SLC27A5: variants seen among roughly 807,000 people sequenced by gnomAD.
The protein encoded by SLC27A5 is long-chain fatty acid transport protein 5.
A neutral mutation model predicts 63.1 loss-of-function variants in SLC27A5; 47 were observed. The observed-to-expected ratio is 0.74, with a 90% CI of 0.59 to 0.95. SLC27A5 has a LOEUF of 0.95. Among genes scored for constraint, SLC27A5 ranks in the 40% least tolerant of loss-of-function variants. The pLI is 0.00. For synonymous variants in SLC27A5, 391 were observed against 403.8 expected, an observed-to-expected ratio of 0.97 and a Z score of 0.38; for missense variants, 940 against 921.0, an observed-to-expected ratio of 1.02 and a Z score of -0.27.
At position 58,510,836 on chromosome 19, in the gene SLC27A5, C is replaced by T; in HGVS notation, c.783G>A (p.Val261=). The T allele has an allele frequency of 4.3e-6, 7 of 1,613,300 alleles. No individual in the cohort carries two copies. The highest frequency in any genetic ancestry group is 5.9e-6 in the Non-Finnish European group (7 of 1,179,772). ...CATCCAGGGCAGCCCCCAGAGCCCC[C>T]ACCCCTGGTGTAGGGGAGGTATGGC... ...YLSHTSPTPG[V]GALGAALDAA... Residue 261 remains valine (V), a synonymous_variant, in exon 2 of 10, where the codon GTG becomes GTA. Transcript: ENST00000263093.
chr19:58,500,807 G>T, intron 4 of SLC27A5, 101 bp from the exon 5 acceptor site: 1 of 1,517,318 alleles, frequency 6.6e-7, no homozygotes, highest in Non-Finnish European at 8.8e-7. Flanking sequence ...TACCTTGGGA[G>T]TTACCTGGAA....
rs2053249544 is a variant in SLC27A5 at position 58,499,565 on chromosome 19, T to C, written c.1594A>G (p.Asn532Asp). 6.2e-7 allele frequency: 1 copy of C among 1,612,696 alleles called. No individual in the cohort carries two copies. Among genetic ancestry groups the C allele is most frequent in the Admixed American group, 1.7e-5 (1 of 59,920 alleles). ...NVRQSGDVYY[N>D]TGDVLAMDRE... is the part of the protein sequence containing the mutation. ...TCCATGGCCAGTACGTCCCCGGTGT[T>C]GTAGTAAACGTCGCCCGATTGCCGC... The change falls in exon 7 of 10, where the codon AAC (asparagine) becomes GAC (aspartate). Residue 532 changes from asparagine (N) to aspartate (D), a missense_variant. Physicochemically the swap from Asn to Asp is conservative, Grantham distance 23. Coordinates refer to ENST00000263093, the MANE Select transcript of SLC27A5 (RefSeq NM_012254.3).
chr19:58,499,746 G>A lies in SLC27A5; in HGVS notation c.1469-56C>T, dbSNP rs1316201672. 14 of 1,569,624 alleles carry A rather than the reference G, an allele frequency of 8.9e-6. No homozygotes were observed. The East Asian group carries it at 3.1e-4, about 35-fold the overall frequency. ...GAGCCCACCAGCCAAGCCCCCTGCT[G>A]GAGGTTTTCAACAACGGTGGACTCT... On this transcript the variant is annotated intron_variant, in intron 6 of 9. Coordinates refer to ENST00000263093, the MANE Select transcript of SLC27A5 (RefSeq NM_012254.3).
rs1369862949 is a variant in SLC27A5, at chr19:58,511,808, T to C, written c.148A>G (p.Met50Val). ...GGGCCGAGCCAGGGCCGTGCTAACA[T>C]GGCCAGCCCAAGTAGCACGCAACAT... ...PTCCVLLGLA[M>V]LARPWLGPWV... Residue 50 changes from methionine to valine, a missense_variant, in exon 1 of 10, where the codon ATG (methionine) becomes GTG (valine). Coordinates refer to ENST00000263093, the MANE Select transcript of SLC27A5 (RefSeq NM_012254.3). 6.4e-7 allele frequency: 1 copy of C among 1,558,442 alleles called. No individual in the cohort carries two copies. The highest frequency in any genetic ancestry group is 1.9e-5 in the Admixed American group (1 of 52,126).
chr19:58,505,145 G>A (rs967671458), intron 3 of SLC27A5, among the ~76,000 whole-genome samples: 3 of 144,418 alleles, frequency 2.1e-5, no homozygotes, highest in Non-Finnish European at 4.5e-5. Flanking sequence ...TTTTGCACAG[G>A]CTGGAATGCA....
intron 4 of SLC27A5, 92 bp downstream of exon 4, chr19:58,501,194 C>G: frequency 6.7e-7 from 1 of 1,502,546 alleles, no homozygotes; most frequent in Non-Finnish European, 9.0e-7. Flanking sequence ...ATCTGAGGGA[C>G]TTGAGTTCAG....
chr19:58,505,157 T>C (rs2053331059), intron 3 of SLC27A5, among the ~76,000 whole-genome samples: 3 of 147,236 alleles, frequency 2.0e-5, no homozygotes, highest in African/African-American at 7.5e-5. Flanking sequence ...TGGAATGCAA[T>C]GGCTAGATCT....
intron 3 of SLC27A5, among the ~76,000 whole-genome samples, chr19:58,504,641 C>G (rs1051821988): frequency 1.4e-5 from 2 of 147,298 alleles, no homozygotes; most frequent in East Asian, 2.0e-4. Flanking sequence ...GCACTCCAGC[C>G]TGGGCGACAG....
chr19:58,499,783 C>A, intron 6 of SLC27A5, 93 bp from the exon 7 acceptor site: 1 of 1,253,646 alleles, frequency 8.0e-7, no homozygotes, highest in Non-Finnish European at 1.1e-6. Context: ...CATCACCCAG[C>A]ACCCTGCCAA....
chr19:58,499,941 C>G (rs2053254744), intron 6 of SLC27A5, among the ~76,000 whole-genome samples: 1 of 152,012 alleles, frequency 6.6e-6, no homozygotes, highest in Non-Finnish European at 1.5e-5. Context: ...AAAAGGATAA[C>G]AAGGGATGGA....
rs770448995 is a variant in SLC27A5 at position 58,499,505 on chromosome 19, C to T, written c.1654G>A (p.Gly552Arg). ...EGFLYFRDRL[G>R]DTFRWKGENV... is the part of the protein sequence containing the mutation. The stretch of plus-strand genomic sequence containing the variant: ...CCTGCCTCGGACCGGAAGGTGTCCC[C>T]GAGGCGGTCGCGGAAGTAGAGGAAG... The change falls in exon 7 of 10, where the codon GGG becomes AGG. Residue 552 changes from glycine to arginine, a missense_variant. Transcript: ENST00000263093. 3.7e-6 allele frequency: 6 copies of T among 1,613,074 alleles called. No homozygotes were observed. Among genetic ancestry groups the T allele is most frequent in the Non-Finnish European group, 5.1e-6 (6 of 1,180,012 alleles).
In SLC27A5 at chr19:58,511,702, C is replaced by A. The variant is rs915498804; in HGVS notation, c.254G>T (p.Arg85Leu). The change falls in exon 1 of 10, where the codon CGC becomes CTC. Residue 85 changes from arginine to leucine, a missense_variant. Transcript: ENST00000263093. ...GAAGATCACATCAGCCGGCAGCCAG[C>A]GTAGTCCTGGGGGCAGCCGTGCTGG... ...LLPARLPPGL[R>L]WLPADVIFLA... The A allele has an allele frequency of 6.4e-7, 1 of 1,564,996 alleles. No individual in the cohort carries two copies. Among genetic ancestry groups the A allele is most frequent in the South Asian group, 1.2e-5 (1 of 85,506 alleles).
chr19:58,498,995 C>T (rs566996803), intron 8 of SLC27A5, 80 bp from the exon 9 acceptor site: 9 of 1,590,370 alleles, frequency 5.7e-6, no homozygotes, highest in Non-Finnish European at 6.8e-6. Context: ...CAGCTCTGCT[C>T]ACTGGCTGTG....
In SLC27A5 at chr19:58,500,385, C is replaced by T. The variant is rs745923240; in HGVS notation, c.1422G>A (p.Ala474=). The change falls in exon 6 of 10, where the codon GCG becomes GCA. Residue 474 remains alanine (A), a synonymous_variant. Coordinates refer to ENST00000263093, the MANE Select transcript of SLC27A5 (RefSeq NM_012254.3). ...AGCCCTGATTGTCCCTCACAGGCTC[C>T]GCCGCCTCCATGTCGAACTGCACCA... is the stretch of plus-strand genomic sequence containing the variant. ...FELVQFDMEA[A]EPVRDNQGFC... 9.9e-6 allele frequency: 16 copies of T among 1,613,598 alleles called. No homozygotes were observed. The highest frequency in any genetic ancestry group is 1.6e-4 in the Middle Eastern group (1 of 6,084).
chr19:58,509,802 T>C, intron 3 of SLC27A5, 45 bp downstream of exon 3: 1 of 1,553,660 alleles, frequency 6.4e-7, no homozygotes. Context: ...CGACACTTAC[T>C]CCCGTGGTCC....
Position 58,501,326 on chromosome 19 carries a change from T to A in SLC27A5, c.1142A>T (p.Tyr381Phe), listed in dbSNP as rs1345814073. 3.7e-6 allele frequency: 6 copies of A among 1,613,582 alleles called. No homozygotes were observed. The change falls in exon 4 of 10, where the codon TAT becomes TTT. Residue 381 changes from tyrosine to phenylalanine, a missense_variant. Coordinates refer to ENST00000263093, the MANE Select transcript of SLC27A5 (RefSeq NM_012254.3). ...CRQHGVTVIL[Y>F]VGELLRYLCN... is the part of the protein sequence containing the mutation. ...CAAGTACCGCAGGAGCTCGCCCACA[T>A]ACAGGATCACTGTCACGCCATGCTG... is the stretch of plus-strand genomic sequence containing the variant.
chr19:58,498,713 C>T (rs2053237114), intron 9 of SLC27A5, 22 bp from the exon 10 acceptor site: 2 of 1,611,612 alleles, frequency 1.2e-6, no homozygotes, highest in Non-Finnish European at 1.7e-6. Flanking sequence ...TGACCATGGT[C>T]CAATCACTGT....
chr19:58,499,688 C>T lies in SLC27A5; in HGVS notation c.1471G>A (p.Glu491Lys). 2.5e-6 allele frequency: 4 copies of T among 1,611,128 alleles called. No homozygotes were observed. The highest frequency in any genetic ancestry group is 2.5e-6 in the Non-Finnish European group (3 of 1,179,934). Residue 491 changes from glutamate to lysine, a missense_variant and splice_region_variant, in exon 7 of 10, where the codon GAG becomes AAG. Transcript: ENST00000263093. ...QGFCIPVGLG[E>K]PGLLLTKVVS... ...ACCTTGGTCAGCAGCAGCCCCGGCT[C>T]CCCTGGGGTAGGAGCAGGAACAAGA...
At chr19:58,499,436 T>C in intron 7 of SLC27A5, 56 bp downstream of exon 7, 3 of 1,580,060 alleles carry the variant, frequency 1.9e-6, no homozygotes, top group Non-Finnish European at 2.6e-6. Context: ...CCCTCTAGGA[T>C]CTGAAAGCGT....
Sources: gnomAD v4.1 joint callset for allele counts (sites outside exome capture counted in the v4.1 genomes callset) on GRCh38, gnomAD v4.1.1 for gene constraint, MANE v1.5 for transcripts, NCBI Gene and HGNC (gene_info 2026-07-23, HGNC 2026-07-21) for gene names.